Variants in KCTD14 observed in about 807,000 individuals in gnomAD.
KCTD14 encodes potassium channel tetramerization domain containing 14, also known as BTB/POZ domain-containing protein KCTD14.
KCTD14 carries 7 observed loss-of-function variants against 5.9 expected under a neutral mutation model. The ratio of observed to expected loss-of-function variants is 1.19; its 90% CI spans 0.68 to 2.23. The LOEUF is 2.23. KCTD14 is among the 30% of genes most tolerant of loss of function. The pLI is 0.00. For missense variants in KCTD14, 342 were observed against 332.2 expected, an observed-to-expected ratio of 1.03 and a Z score of -0.23; for synonymous variants, 140 against 133.1, an observed-to-expected ratio of 1.05 and a Z score of -0.36.
chr11:78,025,425 C>A (rs538309066), upstream of KCTD14, among the ~76,000 whole-genome samples: 18 of 152,132 alleles, frequency 1.2e-4, no homozygotes, highest in Non-Finnish European at 2.2e-4. Flanking sequence ...GGTGGGCCAT[C>A]CTTTCCCAGA....
At chr11:78,038,282 C>T (rs1434013949) in intron 2 of KCTD14, among the ~76,000 whole-genome samples, 1 of 152,202 alleles carries the variant, frequency 6.6e-6, no homozygotes, top group African/African-American at 2.4e-5. Context: ...GCCCCATAGG[C>T]CTTTCCCTGG....
Position 78,030,642 on chromosome 11 carries a change from C to T in KCTD14, c.-1+8022G>A, listed in dbSNP as rs114235719. On this transcript the variant is annotated intron_variant, in intron 2 of 2. Coordinates refer to the KCTD14 transcript ENST00000533144. ...CCCTCACTCACTCCCCTCTGTTCTTCAGGAGACAATGCGGCCAGCCCCTCT... is the reference window on the plus strand; with the variant it reads ...CCCTCACTCACTCCCCTCTGTTCTTTAGGAGACAATGCGGCCAGCCCCTCT... Among the ~76,000 whole-genome samples, 1,180 of 152,344 alleles carry T rather than the reference C, an allele frequency of 7.7e-3. 15 individuals are homozygous for T. The highest frequency in any genetic ancestry group is 0.027 in the African/African-American group (1,106 of 41,588).
chr11:78,040,102 CAG>C (rs2136757847), intron 1 of KCTD14, among the ~76,000 whole-genome samples: 2 of 152,336 alleles, frequency 1.3e-5, no homozygotes, highest in South Asian at 4.1e-4. Context: ...GCCCCATGTT[CAG>C]AGTCTGACCT....
Position 78,017,093 on chromosome 11 carries a change from G to C in KCTD14, c.268C>G (p.Leu90Val). The C allele has an allele frequency of 6.2e-7, 1 of 1,614,254 alleles. No individual in the cohort carries two copies. Among genetic ancestry groups the C allele is most frequent in the Non-Finnish European group, 8.5e-7 (1 of 1,180,054 alleles). Reference sequence around the variant, plus strand: ...ACTTGCCCAGTGCGCAGGTAGTCCAGGATGGGTCTGAAATAGGTGCTGGGG... The same window carrying C: ...ACTTGCCCAGTGCGCAGGTAGTCCACGATGGGTCTGAAATAGGTGCTGGGG... Reference protein sequence around the residue: ...DRPSTYFRPILDYLRTGQVPT... With the variant: ...DRPSTYFRPIVDYLRTGQVPT... Residue 90 changes from leucine to valine, a missense_variant, in exon 2 of 2, where the codon CTG (leucine) becomes GTG (valine). Coordinates refer to ENST00000353172, the MANE Select transcript of KCTD14 (RefSeq NM_023930.4).
intron 1 of KCTD14, among the ~76,000 whole-genome samples, chr11:78,045,874 C>T (rs1225657489): frequency 6.6e-6 from 1 of 152,122 alleles, no homozygotes; most frequent in Non-Finnish European, 1.5e-5. Context: ...TACCGCTTCT[C>T]CCCCACCCCA....
chr11:78,016,957 C>T lies in KCTD14; in HGVS notation c.404G>A (p.Arg135Gln), dbSNP rs1221118030. Residue 135 changes from arginine (R) to glutamine (Q), a missense_variant, in exon 2 of 2, where the codon CGG becomes CAG. Transcript: ENST00000353172. ...MPQIFGEQVSRKQFLLQVPGY... is the reference protein window; with the variant it reads ...MPQIFGEQVSQKQFLLQVPGY... ...CGGCACTTGCAGCAAAAACTGCTTC[C>T]GAGACACCTGCTCACCAAAGATCTG... is the stretch of plus-strand genomic sequence containing the variant. 1.6e-5 allele frequency: 26 copies of T among 1,614,094 alleles called. No homozygotes were observed. Among genetic ancestry groups the T allele is most frequent in the African/African-American group, 4.0e-5 (3 of 74,930 alleles).
Position 78,016,854 on chromosome 11 carries a change from A to G in KCTD14, c.507T>C (p.Leu169=). Residue 169 remains leucine (L), a synonymous_variant, in exon 2 of 2, where the codon CTT becomes CTC. Transcript: ENST00000353172. ...EAITARKSSV[L]VCLVETEEQD... is the part of the protein sequence containing the mutation. The stretch of plus-strand genomic sequence containing the variant: ...GCTCCTCAGTTTCCACCAGGCACAC[A>G]AGCACGCTGGACTTCCGTGCTGTTA... 2 of 1,614,182 alleles carry G rather than the reference A, an allele frequency of 1.2e-6. No homozygotes were observed. The highest frequency in any genetic ancestry group is 1.7e-6 in the Non-Finnish European group (2 of 1,180,012).
At position 78,015,891 on chromosome 11, in the gene KCTD14, T is replaced by G. The variant is rs1223481764; in HGVS notation, c.*702A>C. The G allele has an allele frequency of 6.6e-6, 1 of 152,252 alleles. No homozygotes were observed. Among genetic ancestry groups the G allele is most frequent in the Admixed American group, 6.5e-5 (1 of 15,284 alleles). The allele number at this position is 152,252 out of a possible 1,614,324, so 9.4% of individuals were successfully genotyped here. On this transcript the variant is annotated 3_prime_UTR_variant, in exon 2 of 2. Transcript: ENST00000353172. ...TCCTTGATGTAAGAGGTCAGTCTTT[T>G]GTACCTCCATACAAGAGGTAGCAAT...
intron 2 of KCTD14, among the ~76,000 whole-genome samples, chr11:78,035,241 T>C (rs1412239028): frequency 1.3e-5 from 2 of 152,130 alleles, no homozygotes; most frequent in African/African-American, 4.8e-5. Context: ...GCTGATCCTT[T>C]TGGGGTGCAT....
intron 2 of KCTD14, among the ~76,000 whole-genome samples, chr11:78,037,101 C>T (rs1211148908): frequency 1.3e-5 from 2 of 152,206 alleles, no homozygotes; most frequent in East Asian, 3.8e-4. Flanking sequence ...GCCCTCTGTC[C>T]CCTACTCAGG....
At position 78,016,791 on chromosome 11, in the gene KCTD14, C is replaced by T. The variant is rs906309199; in HGVS notation, c.570G>A (p.Gln190=). The part of the protein sequence containing the change: ...AYYSEVLCFL[Q]DKKMFKSVVK... ...CAACAGACTTGAACATCTTCTTATC[C>T]TGCAGAAAACACAGGACCTCTGAAT... Residue 190 remains glutamine (Q), a synonymous_variant, in exon 2 of 2, where the codon CAG becomes CAA. Coordinates refer to ENST00000353172, the MANE Select transcript of KCTD14 (RefSeq NM_023930.4). The T allele has an allele frequency of 8.1e-6, 13 of 1,614,010 alleles. No individual in the cohort carries two copies. Among genetic ancestry groups the T allele is most frequent in the Non-Finnish European group, 1.1e-5 (13 of 1,179,992 alleles).
intron 1 of KCTD14, among the ~76,000 whole-genome samples, chr11:78,020,215 T>C (rs1857274413): frequency 6.6e-6 from 1 of 152,156 alleles, no homozygotes; most frequent in Non-Finnish European, 1.5e-5. Context: ...GAGGAATAGA[T>C]GCATAGTGTT....
chr11:78,037,360 C>T (rs1292710259), intron 2 of KCTD14, among the ~76,000 whole-genome samples: 1 of 152,212 alleles, frequency 6.6e-6, no homozygotes, highest in Non-Finnish European at 1.5e-5. Context: ...TCTGGGCTCT[C>T]TTTGCAGGGC....
chr11:78,027,280 C>T (rs191007322), upstream of KCTD14, among the ~76,000 whole-genome samples: 345 of 151,962 alleles, frequency 2.3e-3, 4 homozygotes, highest in African/African-American at 7.5e-3. Flanking sequence ...TGCCTGTAAT[C>T]GCAGCACTTT....
At chr11:78,025,734 C>G (rs947403730), upstream of KCTD14, among the ~76,000 whole-genome samples, 3 of 152,124 alleles carry the variant, frequency 2.0e-5, no homozygotes, top group African/African-American at 7.2e-5. Context: ...AGCATGCCCA[C>G]TGGTGAAAAG....
chr11:78,036,283 T>C (rs1406292460), intron 2 of KCTD14, among the ~76,000 whole-genome samples: 1 of 152,282 alleles, frequency 6.6e-6, no homozygotes, highest in East Asian at 1.9e-4. Flanking sequence ...TGCACACATG[T>C]GCATGCATTG....
intron 1 of KCTD14, among the ~76,000 whole-genome samples, chr11:78,022,681 C>T (rs1329778406): frequency 2.0e-5 from 3 of 152,020 alleles, no homozygotes; most frequent in African/African-American, 7.2e-5. Flanking sequence ...GGATTTGGGA[C>T]CCAGCCAGAG....
At chr11:78,038,562 C>G in intron 2 of KCTD14, 2 of 1,376,276 alleles carry the variant, frequency 1.5e-6, no homozygotes, top group East Asian at 2.5e-5. Flanking sequence ...GGCTCCCCAG[C>G]CCAAGTGCGT....
At chr11:78,020,483 T>C (rs1028173794) in intron 1 of KCTD14, among the ~76,000 whole-genome samples, 1 of 152,200 alleles carries the variant, frequency 6.6e-6, no homozygotes. Context: ...AGCCAAACAA[T>C]AGAGCTGAGA....
Sources: gnomAD v4.1 joint callset for allele counts (sites outside exome capture counted in the v4.1 genomes callset) on GRCh38, gnomAD v4.1.1 for gene constraint, MANE v1.5 for transcripts, NCBI Gene and HGNC (gene_info 2026-07-23, HGNC 2026-07-21) for gene names.